PUM2: variants seen among roughly 807,000 people sequenced by gnomAD.
The protein encoded by PUM2 is pumilio homolog 2.
Under a neutral mutation model 124.5 loss-of-function variants are expected in PUM2, and 57 were observed. That is an observed-to-expected ratio of 0.46 (90% CI 0.37 to 0.57). The LOEUF is 0.57. Ranked by LOEUF, PUM2 falls within the 20% of genes least tolerant of loss-of-function variation. PUM2 has a pLI of 0.00. For synonymous variants in PUM2, 460 were observed against 446.1 expected, an observed-to-expected ratio of 1.03 and a Z score of -0.39; for missense variants, 1,065 against 1,290.6, an observed-to-expected ratio of 0.83 and a Z score of 2.68.
At position 20,256,052 on chromosome 2, in the gene PUM2, A is replaced by G. The variant is rs758124571; in HGVS notation, c.2603T>C (p.Ile868Thr). The G allele has an allele frequency of 3.8e-6, 6 of 1,574,224 alleles. No homozygotes were observed. The highest frequency in any genetic ancestry group is 1.4e-5 in the African/African-American group (1 of 72,042). The change falls in exon 17 of 21, where the codon ATT becomes ACT. Residue 868 changes from isoleucine to threonine, a missense_variant. Around this residue, in one of 3 missense-constraint regions of PUM2, gnomAD observed 968 missense variants for 1,159.8 expected, o/e 0.83. Coordinates refer to ENST00000361078, the MANE Select transcript of PUM2 (RefSeq NM_015317.5). The part of the protein sequence containing the change: ...CVQPQSLQFI[I>T]DAFKGQVFVL... ...ACATACTTGTCCCTTGAAAGCATCA[A>G]TGATGAACTGTAGTGACTGTGGCTG...
intron 13 of PUM2, among the ~76,000 whole-genome samples, chr2:20,265,698 T>C (rs576313794): frequency 6.6e-6 from 1 of 152,380 alleles, no homozygotes; most frequent in Non-Finnish European, 1.5e-5. Context: ...TGTCACTTTA[T>C]GATAAAAACC....
chr2:20,307,884 AGT>A, intron 7 of PUM2, 92 bp downstream of exon 7: 1 of 1,472,998 alleles, frequency 6.8e-7, no homozygotes, highest in Non-Finnish European at 9.1e-7. Flanking sequence ...TGTTTCAAAA[AGT>A]AACAAAACCT....
rs1670796312 is a variant in PUM2 at position 20,278,615 on chromosome 2, G to T, written c.1925C>A (p.Ser642Ter). ...GHSLTPPPSL[S>*]SHGSSSSLHL... ...CAAACTGGATGAGGATCCATGTGAT[G>T]AAAGTGATGGCGGTGGCGTAAGTGA... The change falls in exon 13 of 21, where the codon TCA (serine) becomes TAA (stop). Residue 642 changes from serine (S) to a stop codon, truncating the protein, a stop_gained. Coordinates refer to ENST00000361078, the MANE Select transcript of PUM2 (RefSeq NM_015317.5). LOFTEE classifies it high-confidence loss of function. The T allele has an allele frequency of 6.2e-7, 1 of 1,612,990 alleles. No individual in the cohort carries two copies. Among genetic ancestry groups the T allele is most frequent in the Non-Finnish European group, 8.5e-7 (1 of 1,179,368 alleles).
In PUM2 at chr2:20,293,306, A is replaced by G. The variant is rs115928273; in HGVS notation, c.1152+1070T>C. Among the ~76,000 whole-genome samples the G allele has an allele frequency of 6.3e-3, 967 of 152,372 alleles. 14 individuals are homozygous for G. The highest frequency in any genetic ancestry group is 0.022 in the African/African-American group (930 of 41,582). ...TGTGTATATTTTAAGCTAATGTGACATTACATTTGTCCAAACATACAGATT... is the reference window on the plus strand; with the variant it reads ...TGTGTATATTTTAAGCTAATGTGACGTTACATTTGTCCAAACATACAGATT... On this transcript the variant is annotated intron_variant, in intron 9 of 20. Transcript: ENST00000361078.
At chr2:20,340,776 G>T (rs1161725358) in intron 1 of PUM2, among the ~76,000 whole-genome samples, 1 of 152,254 alleles carries the variant, frequency 6.6e-6, no homozygotes, top group South Asian at 2.1e-4. Flanking sequence ...AATTTTGTTA[G>T]TATCAGTCAT....
intron 10 of PUM2, among the ~76,000 whole-genome samples, chr2:20,285,121 A>T (rs1216884612): frequency 1.3e-5 from 2 of 152,222 alleles, no homozygotes; most frequent in East Asian, 3.8e-4. Context: ...ATCAAACAGC[A>T]CTTAACTGCT....
At position 20,253,856 on chromosome 2, in the gene PUM2, G is replaced by C; in HGVS notation, c.3029C>G (p.Ala1010Gly). ...GATTATCTTTCTCTGAGCAGGTTCA[G>C]CCATATCAATCATCTTTTGAACCAC... ...NYVVQKMIDMAEPAQRKIIMH... is the reference protein window; with the variant it reads ...NYVVQKMIDMGEPAQRKIIMH... The change falls in exon 20 of 21, where the codon GCT becomes GGT. Residue 1010 changes from alanine (A) to glycine (G), a missense_variant. Coordinates refer to ENST00000361078, the MANE Select transcript of PUM2 (RefSeq NM_015317.5). 1 of 1,613,778 alleles carries C rather than the reference G, an allele frequency of 6.2e-7. No individual in the cohort carries two copies. Among genetic ancestry groups the C allele is most frequent in the East Asian group, 2.2e-5 (1 of 44,866 alleles).
At chr2:20,310,956 T>C (rs923672267) in intron 5 of PUM2, among the ~76,000 whole-genome samples, 4 of 152,126 alleles carry the variant, frequency 2.6e-5, no homozygotes, top group Non-Finnish European at 5.9e-5. Context: ...AGCTAACTTT[T>C]AGAAGTCTCT....
chr2:20,261,868 T>C (rs1385739880), intron 14 of PUM2, among the ~76,000 whole-genome samples: 2 of 144,428 alleles, frequency 1.4e-5, no homozygotes, highest in African/African-American at 5.2e-5. Flanking sequence ...TTAAAAAAAA[T>C]TAAAAAGCTT....
chr2:20,316,222 C>T (rs1338944499), intron 3 of PUM2, among the ~76,000 whole-genome samples: 1 of 152,016 alleles, frequency 6.6e-6, no homozygotes, highest in Non-Finnish European at 1.5e-5. Context: ...TACTTGTTGC[C>T]AACATTTGCA....
intron 9 of PUM2, among the ~76,000 whole-genome samples, chr2:20,292,752 G>C (rs547619021): frequency 2.0e-5 from 3 of 152,250 alleles, no homozygotes; most frequent in South Asian, 4.1e-4. Flanking sequence ...CCAACATGGA[G>C]AAACCCTGTT....
chr2:20,345,416 C>A (rs1425379173), intron 1 of PUM2, among the ~76,000 whole-genome samples: 1 of 152,154 alleles, frequency 6.6e-6, no homozygotes, highest in Non-Finnish European at 1.5e-5. Flanking sequence ...CACCACAGCA[C>A]TTTTATAATA....
At chr2:20,283,628 G>A in intron 10 of PUM2, 142 bp from the exon 11 acceptor site, 2 of 791,794 alleles carry the variant, frequency 2.5e-6, no homozygotes, top group South Asian at 4.3e-5. Flanking sequence ...TATATGCAAA[G>A]CAACACATTT....
intron 1 of PUM2, among the ~76,000 whole-genome samples, chr2:20,334,783 C>T (rs1357002945): frequency 1.3e-5 from 2 of 152,214 alleles, no homozygotes; most frequent in Non-Finnish European, 2.9e-5. Context: ...CACACAGGCA[C>T]TACTTCTCCA....
At chr2:20,305,528 C>T (rs1484912988) in intron 7 of PUM2, among the ~76,000 whole-genome samples, 2 of 137,846 alleles carry the variant, frequency 1.5e-5, no homozygotes, top group African/African-American at 2.7e-5. Flanking sequence ...AGAATGCTGA[C>T]ACTAAAAAAC....
chr2:20,327,196 G>C (rs1419983300), intron 2 of PUM2, 114 bp downstream of exon 2: 3 of 716,434 alleles, frequency 4.2e-6, no homozygotes, highest in Admixed American at 5.2e-5. Flanking sequence ...CCTCCATATA[G>C]TTTGGAAGAT....
At position 20,278,808 on chromosome 2, in the gene PUM2, C is replaced by A; in HGVS notation, c.1732G>T (p.Ala578Ser). The A allele has an allele frequency of 6.2e-7, 1 of 1,611,444 alleles. No homozygotes were observed. Among genetic ancestry groups the A allele is most frequent in the Non-Finnish European group, 8.5e-7 (1 of 1,178,262 alleles). Residue 578 changes from alanine to serine, a missense_variant, in exon 13 of 21, where the codon GCA (alanine) becomes TCA (serine). Transcript: ENST00000361078. ...SGFGSSVGSS[A>S]SSSATRRESL... is the part of the protein sequence containing the mutation. ...TCTCTCCTTGTGGCACTACTACTTG[C>A]AGAACTGCCAACTGAAGAAGAAATA... is the stretch of plus-strand genomic sequence containing the variant.
chr2:20,351,347 G>C (rs1689320774), upstream of PUM2, among the ~76,000 whole-genome samples: 1 of 152,198 alleles, frequency 6.6e-6, no homozygotes, highest in Non-Finnish European at 1.5e-5. Flanking sequence ...CCCACAACCA[G>C]ACGAGGGAGA....
Position 20,339,838 on chromosome 2 carries a change from T to C in PUM2, c.-19+10759A>G, listed in dbSNP as rs558884165. On this transcript the variant is annotated intron_variant, in intron 1 of 20. Coordinates refer to ENST00000361078, the MANE Select transcript of PUM2 (RefSeq NM_015317.5). The stretch of plus-strand genomic sequence containing the variant: ...GAGGTTACAGTGAGCCGAGATCATG[T>C]GAGCCGAGATCGTGCCACTGTACTC... Among the ~76,000 whole-genome samples, 16 of 152,320 alleles carry C rather than the reference T, an allele frequency of 1.1e-4. No homozygotes were observed. The South Asian group carries it at 3.3e-3, about 32-fold the overall frequency.
Sources: allele counts gnomAD v4.1 joint callset (sites outside exome capture counted in the v4.1 genomes callset), GRCh38; gene constraint gnomAD v4.1.1; regional missense constraint gnomAD v4.1.1; transcripts MANE v1.5; gene names NCBI Gene and HGNC (gene_info 2026-07-23, HGNC 2026-07-21).